The following PID1 variants were observed in gnomAD, a reference collection of about 807,000 sequenced individuals.
The protein encoded by PID1 is phosphotyrosine interaction domain containing 1, also known as PTB-containing, cubilin and LRP1-interacting protein.
Under a neutral mutation model 19.1 loss-of-function variants are expected in PID1, and 10 were observed. The observed-to-expected ratio is 0.52, with a 90% CI of 0.32 to 0.89. The LOEUF is 0.89. PID1 is among the 40% of genes least tolerant of loss of function. The pLI is 0.03. For synonymous variants in PID1, 130 were observed against 116.0 expected (o/e 1.12, Z -0.78); for missense variants, 248 against 285.3 (o/e 0.87, Z 0.94).
chr2:229,036,168 G>C (rs1158318744), intron 2 of PID1, among the ~76,000 whole-genome samples: 2 of 152,128 alleles, frequency 1.3e-5, no homozygotes, highest in Admixed American at 1.3e-4. Context: ...CCAACACTAT[G>C]GTGGGTAGGA....
At chr2:229,109,158 G>A (rs143973015) in intron 2 of PID1, among the ~76,000 whole-genome samples, 1 of 152,230 alleles carries the variant, frequency 6.6e-6, no homozygotes, top group East Asian at 1.9e-4. Flanking sequence ...GACATTTTCT[G>A]CTGAAAAACC....
At chr2:229,156,595 C>G (rs1316365641) in intron 1 of PID1, among the ~76,000 whole-genome samples, 1 of 152,182 alleles carries the variant, frequency 6.6e-6, no homozygotes, top group African/African-American at 2.4e-5. Flanking sequence ...ACCACCCAGT[C>G]TAAGACCCCT....
intron 2 of PID1, among the ~76,000 whole-genome samples, chr2:229,061,596 T>C (rs186859562): frequency 4.9e-4 from 75 of 152,210 alleles, no homozygotes; most frequent in African/African-American, 1.7e-3. Context: ...TGGGGTGTTT[T>C]ATGGTTCCAT....
chr2:229,039,183 T>C (rs1249436452), intron 2 of PID1, among the ~76,000 whole-genome samples: 1 of 152,218 alleles, frequency 6.6e-6, no homozygotes, highest in East Asian at 1.9e-4. Flanking sequence ...TCTAATTATT[T>C]GGTTATTTGT....
intron 2 of PID1, among the ~76,000 whole-genome samples, chr2:229,068,699 G>A (rs1291376930): frequency 1.3e-5 from 2 of 152,174 alleles, no homozygotes; most frequent in Admixed American, 1.3e-4. Flanking sequence ...GAGCGGATCA[G>A]AGAAGTTATG....
intron 1 of PID1, among the ~76,000 whole-genome samples, chr2:229,216,297 G>A (rs1053727390): frequency 3.3e-5 from 5 of 152,180 alleles, no homozygotes; most frequent in South Asian, 2.1e-4. Context: ...AGAAGTGGAC[G>A]CTCAGACTCA....
intron 2 of PID1, among the ~76,000 whole-genome samples, chr2:229,048,655 G>T (rs1028015321): frequency 5.9e-5 from 9 of 152,130 alleles, no homozygotes; most frequent in Non-Finnish European, 1.3e-4. Context: ...TCAAAAGGAA[G>T]GGCAGACAGC....
intron 1 of PID1, among the ~76,000 whole-genome samples, chr2:229,217,546 G>A (rs1691875710): frequency 6.6e-6 from 1 of 152,180 alleles, no homozygotes; most frequent in Non-Finnish European, 1.5e-5. Flanking sequence ...GGATGCTACA[G>A]AAAACATGAG....
chr2:229,025,659 G>T lies in PID1; in HGVS notation c.627C>A (p.Ser209=). 1 of 1,611,662 alleles carries T rather than the reference G, an allele frequency of 6.2e-7. No homozygotes were observed. The highest frequency in any genetic ancestry group is 8.5e-7 in the Non-Finnish European group (1 of 1,177,902). The change falls in exon 3 of 3, where the codon TCC becomes TCA. Residue 209 remains serine (S), a synonymous_variant. Transcript: ENST00000392055. Reference sequence around the variant, plus strand: ...AGCCATCATCGGATTCCAATTCCTGGGAAACCTCTTCGGAGGAGCTGTTGC... The same window carrying T: ...AGCCATCATCGGATTCCAATTCCTGTGAAACCTCTTCGGAGGAGCTGTTGC... ...IHSNSSSEEV[S]QELESDDG
intron 2 of PID1, among the ~76,000 whole-genome samples, chr2:229,120,272 A>C (rs1179143644): frequency 6.6e-6 from 1 of 152,184 alleles, no homozygotes; most frequent in African/African-American, 2.4e-5. Context: ...ATTGACCAGA[A>C]GCCTTACCAA....
Position 229,076,643 on chromosome 2 carries a change from G to A in PID1, c.178-50535C>T, listed in dbSNP as rs113468498. On this transcript the variant is annotated intron_variant, in intron 2 of 2. Coordinates refer to ENST00000392055, the MANE Select transcript of PID1 (RefSeq NM_001100818.2). ...CCACTTATGAGTGAGAACATACAGT[G>A]TTTGGTTTCCTGTTCCTACGTTAGT... 6.4e-4 allele frequency among the ~76,000 whole-genome samples: 98 copies of A among 152,168 alleles called. 1 individual carries two copies. The highest frequency in any genetic ancestry group is 2.2e-3 in the African/African-American group (92 of 41,508).
At chr2:229,201,141 A>G (rs1357324398) in intron 1 of PID1, among the ~76,000 whole-genome samples, 1 of 152,080 alleles carries the variant, frequency 6.6e-6, no homozygotes, top group Non-Finnish European at 1.5e-5. Flanking sequence ...TTAAAATTTA[A>G]TATCTTCACC....
At chr2:229,180,406 G>T (rs559842368) in intron 1 of PID1, among the ~76,000 whole-genome samples, 1 of 152,154 alleles carries the variant, frequency 6.6e-6, no homozygotes, top group South Asian at 2.1e-4. Flanking sequence ...TCCAGTGACA[G>T]AATGAAGCTT....
chr2:229,195,444 TACAC>T (rs1408981248), intron 1 of PID1, among the ~76,000 whole-genome samples: 1 of 151,876 alleles, frequency 6.6e-6, no homozygotes, highest in African/African-American at 2.4e-5. Flanking sequence ...ATACACATAT[TACAC>T]ATACATATAC....
chr2:229,157,196 A>T (rs1463127756), intron 1 of PID1, among the ~76,000 whole-genome samples: 1 of 152,144 alleles, frequency 6.6e-6, no homozygotes, highest in Non-Finnish European at 1.5e-5. Context: ...GTGGGAGGCC[A>T]AGGAAAGGGG....
rs775508674 is a variant in PID1, at chr2:229,213,830, C to G, written c.30+57184G>C. Among the ~76,000 whole-genome samples the G allele has an allele frequency of 5.3e-4, 80 of 152,138 alleles. 1 individual carries two copies. Among genetic ancestry groups the G allele is most frequent in the South Asian group, 1.2e-3 (6 of 4,814 alleles). ...GTCTTCATTTAAGCTACCCAAGGAC[C>G]CTTGATTAAAAACACATGAAGCAGT... On this transcript the variant is annotated intron_variant, in intron 1 of 2. Transcript: ENST00000392055.
At chr2:229,130,471 AC>A (rs1689708207) in intron 2 of PID1, among the ~76,000 whole-genome samples, 1 of 152,258 alleles carries the variant, frequency 6.6e-6, no homozygotes. Context: ...TTTTAAAACT[AC>A]CACATGAGAG....
intron 1 of PID1, chr2:229,232,010 T>C: frequency 1.3e-6 from 2 of 1,550,278 alleles, no homozygotes; most frequent in Non-Finnish European, 1.7e-6. Flanking sequence ...AAGGAAGGAA[T>C]GCTGTGTCCT....
chr2:229,203,423 T>C lies in PID1; in HGVS notation c.31-47459A>G, dbSNP rs115195996. Reference sequence around the variant, plus strand: ...ACATACAGCAGGTCCTCAAGCAGCATTGTTTTCTTTAACAACTTTTCTTTA... The same window carrying C: ...ACATACAGCAGGTCCTCAAGCAGCACTGTTTTCTTTAACAACTTTTCTTTA... On this transcript the variant is annotated intron_variant, in intron 1 of 2. Transcript: ENST00000392055. Among the ~76,000 whole-genome samples, 596 of 152,202 alleles carry C rather than the reference T, an allele frequency of 3.9e-3. 6 individuals carry two copies. Among genetic ancestry groups the C allele is most frequent in the African/African-American group, 0.013 (560 of 41,538 alleles).
Sources: gnomAD v4.1 joint callset for allele counts (sites outside exome capture counted in the v4.1 genomes callset) on GRCh38, gnomAD v4.1.1 for gene constraint, MANE v1.5 for transcripts, NCBI Gene and HGNC (gene_info 2026-07-23, HGNC 2026-07-21) for gene names.